Variants in AFF2 observed in about 807,000 individuals in gnomAD.
AFF2 encodes ALF transcription elongation factor 2.
Under a neutral mutation model 76.9 loss-of-function variants are expected in AFF2, and 14 were observed. That is an observed-to-expected ratio of 0.18 (90% CI 0.12 to 0.28). AFF2 has a LOEUF of 0.28. AFF2 is among the 10% of genes least tolerant of loss of function. The probability of loss-of-function intolerance (pLI) is 1.00; values close to 1 mark genes in which losing one functional copy is unlikely to be tolerated. For synonymous variants in AFF2, 398 were observed against 366.7 expected (o/e 1.09, Z -0.98); for missense variants, 868 against 1,001.1 (o/e 0.87, Z 1.79).
intron 3 of AFF2, among the ~76,000 whole-genome samples, chrX:148,755,504 T>C (rs1557266823): frequency 9.0e-6 from 1 of 111,605 alleles, no homozygotes; most frequent in Non-Finnish European, 1.9e-5. Context: ...TTTTTGCCTG[T>C]ATGGATCAAA....
chrX:148,741,061 G>A (rs1432055319), intron 3 of AFF2, among the ~76,000 whole-genome samples: 1 of 111,777 alleles, frequency 8.9e-6, no homozygotes, highest in Non-Finnish European at 1.9e-5. Flanking sequence ...GATGGAGGGT[G>A]CAATGGACTC....
intron 7 of AFF2, among the ~76,000 whole-genome samples, chrX:148,866,717 C>T (rs1233324948): frequency 8.9e-6 from 1 of 112,584 alleles, no homozygotes; most frequent in Non-Finnish European, 1.9e-5. Context: ...TCTGCAAATG[C>T]TTCTCTCTCT....
intron 3 of AFF2, among the ~76,000 whole-genome samples, chrX:148,796,904 A>G (rs1315544353): frequency 1.3e-5 from 1 of 77,311 alleles, no homozygotes; most frequent in African/African-American, 4.9e-5. Flanking sequence ...GCTCTCACAT[A>G]GTTGAGATAC....
chrX:148,806,614 T>A (rs1284167701), intron 3 of AFF2, among the ~76,000 whole-genome samples: 1 of 112,181 alleles, frequency 8.9e-6, no homozygotes, highest in Admixed American at 9.4e-5. Context: ...GGCACCATCC[T>A]GAGCACAGTG....
intron 4 of AFF2, among the ~76,000 whole-genome samples, chrX:148,814,421 T>A (rs782538856): frequency 4.4e-5 from 5 of 112,554 alleles, no homozygotes; most frequent in African/African-American, 1.6e-4. Flanking sequence ...GAATCAAAAA[T>A]GCAGATAGAG....
At chrX:148,788,768 G>A (rs2069855225) in intron 3 of AFF2, among the ~76,000 whole-genome samples, 1 of 112,016 alleles carries the variant, frequency 8.9e-6, no homozygotes, top group Non-Finnish European at 1.9e-5. Context: ...AAAACAGCTT[G>A]CTTATTACTT....
At chrX:148,738,252 T>A (rs1326064023) in intron 3 of AFF2, among the ~76,000 whole-genome samples, 2 of 110,078 alleles carry the variant, frequency 1.8e-5, no homozygotes, top group Non-Finnish European at 3.8e-5. Flanking sequence ...GGTCCTGGAC[T>A]TTTTTTTTGT....
At chrX:148,788,388 G>C (rs1438647668) in intron 3 of AFF2, among the ~76,000 whole-genome samples, 1 of 111,876 alleles carries the variant, frequency 8.9e-6, no homozygotes, top group East Asian at 2.8e-4. Flanking sequence ...ATAGAGCCAC[G>C]TATCAAGAAC....
At chrX:148,976,008 C>T (rs1345731500) in intron 16 of AFF2, among the ~76,000 whole-genome samples, 2 of 99,674 alleles carry the variant, frequency 2.0e-5, no homozygotes, top group Admixed American at 2.2e-4. Context: ...AAAAGTGCAA[C>T]GTGAATCATT....
rs192560420 is a variant in AFF2 at position 148,640,555 on chromosome X, C to T, written c.48-11444C>T. On this transcript the variant is annotated intron_variant, in intron 1 of 20. Transcript: ENST00000370460. ...CATCAATGAAACATAACTGCGTAAACGCTTTATTTCATACCAGTTTTGGAT... is the reference window on the plus strand; with the variant it reads ...CATCAATGAAACATAACTGCGTAAATGCTTTATTTCATACCAGTTTTGGAT... 3.7e-4 allele frequency among the ~76,000 whole-genome samples: 42 copies of T among 112,314 alleles called. No individual in the cohort carries two copies. The South Asian group carries it at 4.1e-3, about 11-fold the overall frequency.
chrX:148,632,102 G>A (rs1178052766), intron 1 of AFF2, among the ~76,000 whole-genome samples: 1 of 111,944 alleles, frequency 8.9e-6, no homozygotes, highest in Non-Finnish European at 1.9e-5. Context: ...AATTTGTATT[G>A]AACTTGAATG....
intron 7 of AFF2, among the ~76,000 whole-genome samples, chrX:148,844,685 A>G (rs2070643601): frequency 9.0e-6 from 1 of 111,628 alleles, no homozygotes; most frequent in African/African-American, 3.3e-5. Context: ...TTGCATAAAA[A>G]AACTGGGAAT....
chrX:148,745,180 T>G (rs1557265992), intron 3 of AFF2, among the ~76,000 whole-genome samples: 1 of 111,896 alleles, frequency 8.9e-6, no homozygotes, highest in Non-Finnish European at 1.9e-5. Context: ...TAATTCTCAT[T>G]GCCATATAAC....
At chrX:148,521,057 A>G (rs1354050806) in intron 1 of AFF2, among the ~76,000 whole-genome samples, 12 of 111,999 alleles carry the variant, frequency 1.1e-4, no homozygotes, top group Admixed American at 5.7e-4. Flanking sequence ...TGCATGGCCT[A>G]CTATGCACTG....
At chrX:148,846,822 G>A (rs2070673478) in intron 7 of AFF2, among the ~76,000 whole-genome samples, 1 of 112,210 alleles carries the variant, frequency 8.9e-6, no homozygotes, top group Admixed American at 9.4e-5. Flanking sequence ...GTCTCAAAGA[G>A]ATCTTTTTAT....
At chrX:148,909,770 A>G (rs2071448930) in intron 9 of AFF2, among the ~76,000 whole-genome samples, 2 of 111,964 alleles carry the variant, frequency 1.8e-5, no homozygotes, top group African/African-American at 3.3e-5. Flanking sequence ...CTTGATTAGT[A>G]TGTTCAAATT....
At chrX:148,521,049 C>G (rs1300136534) in intron 1 of AFF2, among the ~76,000 whole-genome samples, 1 of 111,946 alleles carries the variant, frequency 8.9e-6, no homozygotes. Flanking sequence ...TTTATCAGTG[C>G]ATGGCCTACT....
At chrX:148,953,022 G>C (rs2071988230) in intron 9 of AFF2, among the ~76,000 whole-genome samples, 1 of 110,909 alleles carries the variant, frequency 9.0e-6, no homozygotes, top group African/African-American at 3.3e-5. Context: ...GCTAGTCTTG[G>C]CTCTCCAACT....
rs782718191 is a variant in AFF2, at chrX:148,993,085, C to T, written c.*1753C>T. The T allele has an allele frequency of 8.9e-6, 1 of 112,708 alleles. No homozygotes were observed. The highest frequency in any genetic ancestry group is 1.9e-5 in the Non-Finnish European group (1 of 53,332). 9.3% of individuals were successfully genotyped at this position (112,708 alleles called of 1,213,427 possible). A position where few individuals can be genotyped will look rare whatever the true frequency, so the allele number is the denominator to read the frequency against. On this transcript the variant is annotated 3_prime_UTR_variant, in exon 21 of 21. Transcript: ENST00000370460. ...CAGTTGCAAAACAGCCAGACTTGAG[C>T]TGTGCTCTGGTCATCTTTGAGTTTA... is the stretch of plus-strand genomic sequence containing the variant.
Sources: gnomAD v4.1 joint callset for allele counts (sites outside exome capture counted in the v4.1 genomes callset) on GRCh38, gnomAD v4.1.1 for gene constraint, MANE v1.5 for transcripts, NCBI Gene and HGNC (gene_info 2026-07-23, HGNC 2026-07-21) for gene names.